GPM6A: variants seen among roughly 807,000 people sequenced by gnomAD.
The protein encoded by GPM6A is neuronal membrane glycoprotein M6-a.
A neutral mutation model predicts 32.1 loss-of-function variants in GPM6A; 7 were observed. The observed-to-expected ratio is 0.22, with a 90% confidence interval of 0.12 to 0.41. The LOEUF (loss-of-function observed/expected upper bound fraction) is 0.41. GPM6A is among the 10% of genes least tolerant of loss of function. The probability of loss-of-function intolerance (pLI) is 1.00; values close to 1 mark genes in which losing one functional copy is unlikely to be tolerated. For missense variants in GPM6A, 235 were observed against 347.2 expected (o/e 0.68, Z 2.57); for synonymous variants, 130 against 123.4 (o/e 1.05, Z -0.35).
chr4:175,891,124 A>G (rs1737635574), intron 1 of GPM6A, among the ~76,000 whole-genome samples: 1 of 152,218 alleles, frequency 6.6e-6, no homozygotes, highest in African/African-American at 2.4e-5. Flanking sequence ...GTAATTTTAC[A>G]TCAACATCAG....
At chr4:175,908,084 T>G (rs1389072163) in intron 1 of GPM6A, among the ~76,000 whole-genome samples, 2 of 152,178 alleles carry the variant, frequency 1.3e-5, no homozygotes, top group African/African-American at 4.8e-5. Context: ...GAAAAAAGAA[T>G]ATATTAACGA....
chr4:175,997,358 A>G (rs527910094), intron 1 of GPM6A, among the ~76,000 whole-genome samples: 3 of 152,352 alleles, frequency 2.0e-5, no homozygotes, highest in South Asian at 4.1e-4. Flanking sequence ...AAGGAAAATA[A>G]CACACTAGAA....
intron 1 of GPM6A, among the ~76,000 whole-genome samples, chr4:175,937,504 C>T (rs193187003): frequency 9.1e-4 from 138 of 152,076 alleles, no homozygotes; most frequent in Non-Finnish European, 9.6e-4. Flanking sequence ...CAAAAGTTTC[C>T]GACATGTACA....
chr4:175,713,861 G>T (rs13136968), intron 1 of GPM6A, among the ~76,000 whole-genome samples: 24,673 of 152,110 alleles, frequency 0.16, 2,570 homozygotes, highest in Non-Finnish European at 0.22. Flanking sequence ...GATAGCGGTT[G>T]TTGGTTTTCC....
At chr4:175,855,715 A>G (rs541501390) in intron 1 of GPM6A, among the ~76,000 whole-genome samples, 62 of 152,348 alleles carry the variant, frequency 4.1e-4, no homozygotes, top group Middle Eastern at 3.4e-3. Flanking sequence ...TAAATCAGCA[A>G]GGGAAGGAGG....
intron 1 of GPM6A, among the ~76,000 whole-genome samples, chr4:175,966,514 G>A (rs1389091483): frequency 6.6e-6 from 1 of 151,366 alleles, no homozygotes; most frequent in Non-Finnish European, 1.5e-5. Context: ...GGGGCCTTTG[G>A]GAACAGTTAG....
At chr4:175,905,175 T>C (rs1738091714) in intron 1 of GPM6A, among the ~76,000 whole-genome samples, 1 of 152,058 alleles carries the variant, frequency 6.6e-6, no homozygotes, top group East Asian at 1.9e-4. Flanking sequence ...TGTGGGAAGG[T>C]AAATCTGTAG....
At chr4:175,700,814 A>G (rs1375069281) in intron 2 of GPM6A, among the ~76,000 whole-genome samples, 1 of 152,200 alleles carries the variant, frequency 6.6e-6, no homozygotes, top group Admixed American at 6.5e-5. Flanking sequence ...CATAAAAATC[A>G]CTGAATAAAT....
intron 1 of GPM6A, among the ~76,000 whole-genome samples, chr4:175,770,249 C>T (rs1467466374): frequency 6.6e-6 from 1 of 152,204 alleles, no homozygotes; most frequent in Non-Finnish European, 1.5e-5. Context: ...TGGTCTCGAA[C>T]TCCTGACCTC....
At chr4:175,658,631 TG>T (rs1035973613) in intron 3 of GPM6A, among the ~76,000 whole-genome samples, 1 of 152,102 alleles carries the variant, frequency 6.6e-6, no homozygotes, top group Admixed American at 6.5e-5. Flanking sequence ...GCCATTCTGG[TG>T]GTGGTGAGGT....
At chr4:175,810,870 A>G (rs770145526) in intron 1 of GPM6A, among the ~76,000 whole-genome samples, 22 of 152,186 alleles carry the variant, frequency 1.4e-4, no homozygotes, top group Non-Finnish European at 2.9e-4. Flanking sequence ...TGTGCATATA[A>G]TAAAGGGAGC....
intron 1 of GPM6A, among the ~76,000 whole-genome samples, chr4:175,711,975 A>G (rs1030773790): frequency 6.6e-6 from 1 of 152,206 alleles, no homozygotes; most frequent in Non-Finnish European, 1.5e-5. Flanking sequence ...ATTAAAAGCT[A>G]TTATTAAATG....
chr4:175,815,473 A>T (rs1022954948), upstream of GPM6A, among the ~76,000 whole-genome samples: 3 of 152,218 alleles, frequency 2.0e-5, no homozygotes, highest in African/African-American at 7.2e-5. Flanking sequence ...AATATACTAT[A>T]TAAAGCTTAA....
intron 1 of GPM6A, among the ~76,000 whole-genome samples, chr4:175,928,141 T>C (rs1345347884): frequency 6.6e-6 from 1 of 152,192 alleles, no homozygotes; most frequent in African/African-American, 2.4e-5. Flanking sequence ...TACTTTCCTT[T>C]ATAAAATAAG....
intron 2 of GPM6A, among the ~76,000 whole-genome samples, chr4:175,682,284 C>G (rs1743732314): frequency 6.6e-6 from 1 of 151,902 alleles, no homozygotes; most frequent in Admixed American, 6.6e-5. Flanking sequence ...AGCCAATGCT[C>G]AGATGTGGGA....
chr4:175,642,711 T>TAGG, intron 4 of GPM6A, among the ~76,000 whole-genome samples: 1 of 152,198 alleles, frequency 6.6e-6, no homozygotes, highest in Non-Finnish European at 1.5e-5. Context: ...AAGTTGCAGC[T>TAGG]TCCCACCCTT....
intron 1 of GPM6A, among the ~76,000 whole-genome samples, chr4:175,861,544 G>A (rs1176110253): frequency 2.0e-5 from 3 of 151,530 alleles, no homozygotes; most frequent in Non-Finnish European, 4.4e-5. Context: ...TTGAGGTCAA[G>A]AGTTTGAGAC....
chr4:175,715,572 C>T (rs1579418946), intron 1 of GPM6A, among the ~76,000 whole-genome samples: 1 of 152,124 alleles, frequency 6.6e-6, no homozygotes, highest in East Asian at 1.9e-4. Context: ...GAGTTGAAGA[C>T]TAAATGGGAG....
chr4:175,778,627 C>CAAAAAAAAAAAAAAAAAAAAA (rs34286041), intron 1 of GPM6A, among the ~76,000 whole-genome samples: 3 of 75,202 alleles, frequency 4.0e-5, no homozygotes, highest in African/African-American at 5.1e-5. Flanking sequence ...CTGTATCCAA[C>CAAAAAAAAAAAAAAAAAAAAA]AAAAAAAAAA....
Sources: gnomAD v4.1 joint callset for allele counts (sites outside exome capture counted in the v4.1 genomes callset) on GRCh38, gnomAD v4.1.1 for gene constraint, MANE v1.5 for transcripts, NCBI Gene and HGNC (gene_info 2026-07-23, HGNC 2026-07-21) for gene names.